Variants in NINJ2 observed in about 807,000 individuals in gnomAD.
The protein encoded by NINJ2 is ninjurin-2.
Under a neutral mutation model 11.7 loss-of-function variants are expected in NINJ2, and 12 were observed. The ratio of observed to expected loss-of-function variants is 1.02; its 90% CI spans 0.66 to 1.66. The LOEUF (loss-of-function observed/expected upper bound fraction) is 1.66, where lower values mean the gene tolerates loss of function less well. NINJ2 is among the 40% of genes most tolerant of loss of function. The probability of loss-of-function intolerance (pLI) is 0.00; values close to 1 mark genes in which losing one functional copy is unlikely to be tolerated. For synonymous variants in NINJ2, 93 were observed against 76.8 expected, an observed-to-expected ratio of 1.21 and a Z score of -1.10; for missense variants, 187 against 181.8, an observed-to-expected ratio of 1.03 and a Z score of -0.16.
intron 1 of NINJ2, among the ~76,000 whole-genome samples, chr12:631,622 A>G (rs1005304547): frequency 7.2e-5 from 11 of 152,092 alleles, no homozygotes; most frequent in African/African-American, 2.7e-4. Context: ...TCGGCCTCCA[A>G]AGTGCTGGGA....
intron 1 of NINJ2, among the ~76,000 whole-genome samples, chr12:570,007 A>G (rs1432801503): frequency 6.6e-6 from 1 of 152,208 alleles, no homozygotes; most frequent in Non-Finnish European, 1.5e-5. Context: ...ACCCACGCGC[A>G]GGACGGGATT....
intron 1 of NINJ2, among the ~76,000 whole-genome samples, chr12:582,707 GTGAA>G (rs1465128160): frequency 1.5e-5 from 1 of 68,396 alleles, no homozygotes. Context: ...GCATGCTAGA[GTGAA>G]TGAATGAATG....
At chr12:637,017 C>T (rs1948360445) in intron 1 of NINJ2, among the ~76,000 whole-genome samples, 1 of 152,112 alleles carries the variant, frequency 6.6e-6, no homozygotes. Flanking sequence ...TAACCAAATG[C>T]GATATATTCA....
At chr12:595,361 T>C (rs1947770996) in intron 1 of NINJ2, among the ~76,000 whole-genome samples, 1 of 152,198 alleles carries the variant, frequency 6.6e-6, no homozygotes. Flanking sequence ...CAACACTAAA[T>C]GCAAAATTCA....
chr12:604,580 G>C (rs1225633924), intron 1 of NINJ2, among the ~76,000 whole-genome samples: 1 of 152,204 alleles, frequency 6.6e-6, no homozygotes, highest in Non-Finnish European at 1.5e-5. Context: ...GGAGGCTGCA[G>C]TGAGCTGAGA....
At chr12:606,083 G>A (rs1236774157) in intron 1 of NINJ2, among the ~76,000 whole-genome samples, 1 of 152,034 alleles carries the variant, frequency 6.6e-6, no homozygotes, top group Non-Finnish European at 1.5e-5. Flanking sequence ...TGTTGCCCAG[G>A]CTTGTCTAGA....
chr12:638,367 C>A (rs1245367442), intron 1 of NINJ2, among the ~76,000 whole-genome samples: 2 of 152,214 alleles, frequency 1.3e-5, no homozygotes, highest in African/African-American at 4.8e-5. Context: ...CCTATTAAAT[C>A]CGATCTTTTC....
In NINJ2 at chr12:663,227, G is replaced by C. The variant is rs551315602; in HGVS notation, c.33+101C>G. ...AGAAGGGAGTGAGTAAGAAGAGAAC[G>C]GGGAGGGAGAATATCAAGTGACTAA... On this transcript the variant is annotated intron_variant, in intron 1 of 3. Transcript: ENST00000305108. 2.3e-3 allele frequency: 2,468 copies of C among 1,053,160 alleles called. 5 individuals carry two copies. Among genetic ancestry groups the C allele is most frequent in the Non-Finnish European group, 3.0e-3 (2,149 of 707,698 alleles). 65.2% of individuals were successfully genotyped at this position (1,053,160 alleles called of 1,614,324 possible).
chr12:584,249 TCGTTTCCTGGCCAGGTGC>T (rs1406697599), intron 1 of NINJ2, among the ~76,000 whole-genome samples: 1 of 152,218 alleles, frequency 6.6e-6, no homozygotes, highest in African/African-American at 2.4e-5. Flanking sequence ...GGGGAGAGAA[TCGTTTCCTGGCCAGGTGC>T]GGTGGCTCAC....
chr12:644,661 G>A (rs1937647625), intron 1 of NINJ2: 1 of 152,148 alleles, frequency 6.6e-6, no homozygotes, highest in Non-Finnish European at 1.5e-5. Context: ...TGGGCTTCCT[G>A]AAGGTCCCAA....
intron 1 of NINJ2, among the ~76,000 whole-genome samples, chr12:579,499 A>T (rs184071156): frequency 3.8e-5 from 5 of 130,062 alleles, no homozygotes; most frequent in African/African-American, 6.4e-5. Context: ...CAAAACAAAA[A>T]CAAAACAAAA....
At chr12:572,197 G>T (rs1215966586) in intron 1 of NINJ2, among the ~76,000 whole-genome samples, 1 of 152,246 alleles carries the variant, frequency 6.6e-6, no homozygotes, top group East Asian at 1.9e-4. Flanking sequence ...TCTGAGCGGA[G>T]AATCCCGGGG....
At chr12:609,789 A>AAAAAAAAAAAAG (rs71439346) in intron 1 of NINJ2, among the ~76,000 whole-genome samples, 10 of 116,620 alleles carry the variant, frequency 8.6e-5, no homozygotes, top group East Asian at 2.5e-4. Context: ...AAAAAAAAAT[A>AAAAAAAAAAAAG]GGGAAAACAA....
chr12:619,585 G>T (rs766945230), intron 1 of NINJ2, among the ~76,000 whole-genome samples: 1 of 152,182 alleles, frequency 6.6e-6, no homozygotes, highest in African/African-American at 2.4e-5. Context: ...TATTGCCTGC[G>T]GAGTCCTCCT....
chr12:610,343 T>TAG, intron 1 of NINJ2: 1 of 1,535,406 alleles, frequency 6.5e-7, no homozygotes, highest in Non-Finnish European at 8.7e-7. Flanking sequence ...GAGGCACACT[T>TAG]ACCATATACA....
At chr12:612,139 C>G (rs1948039771) in intron 1 of NINJ2, among the ~76,000 whole-genome samples, 2 of 152,220 alleles carry the variant, frequency 1.3e-5, no homozygotes, top group Non-Finnish European at 1.5e-5. Context: ...AGCAGAGCAA[C>G]AAGCTAGAAG....
At chr12:647,434 T>TGCACTGACAGTGTGGTGGTGCCCC (rs1338148315) in intron 1 of NINJ2, among the ~76,000 whole-genome samples, 1 of 123,178 alleles carries the variant, frequency 8.1e-6, no homozygotes, top group African/African-American at 2.8e-5. Flanking sequence ...GGTGGTGCCC[T>TGCACTGACAGTGTGGTGGTGCCCC]GCACTGACAG....
At chr12:593,140 A>G (rs1415246234) in intron 1 of NINJ2, among the ~76,000 whole-genome samples, 2 of 152,232 alleles carry the variant, frequency 1.3e-5, no homozygotes, top group East Asian at 1.9e-4. Context: ...TCTATGTTAA[A>G]TATAGGAACC....
Position 598,780 on chromosome 12 carries a change from GC to G in NINJ2, c.34-32603del, listed in dbSNP as rs1565629446. Among the ~76,000 whole-genome samples, 16 of 152,048 alleles carry G rather than the reference GC, an allele frequency of 1.1e-4. No individual in the cohort carries two copies. The South Asian group carries it at 3.1e-3, about 30-fold the overall frequency. On this transcript the variant is annotated intron_variant, in intron 1 of 3. Transcript: ENST00000305108. ...AGTGGCACAATCACGGCTCACTGGAGCCCCGACTTCCTGGGCTCTAGCGATC... is the reference window on the plus strand; with the variant it reads ...AGTGGCACAATCACGGCTCACTGGAGCCCGACTTCCTGGGCTCTAGCGATC...
Sources: gnomAD v4.1 joint callset for allele counts (sites outside exome capture counted in the v4.1 genomes callset) on GRCh38, gnomAD v4.1.1 for gene constraint, MANE v1.5 for transcripts, NCBI Gene and HGNC (gene_info 2026-07-23, HGNC 2026-07-21) for gene names.